The following CLIC4 variants were observed in gnomAD, a reference collection of about 807,000 sequenced individuals.
CLIC4 encodes the protein chloride intracellular channel protein 4.
CLIC4 carries 13 observed loss-of-function variants against 24.6 expected under a neutral mutation model. That is an observed-to-expected ratio of 0.53 (90% CI 0.34 to 0.84). CLIC4 has a LOEUF of 0.84. Among genes scored for constraint, CLIC4 ranks in the 40% least tolerant of loss-of-function variants. The pLI, the probability that CLIC4 is intolerant of heterozygous loss-of-function variation, is 0.01. For missense variants in CLIC4, 227 were observed against 301.7 expected, an observed-to-expected ratio of 0.75 and a Z score of 1.83; for synonymous variants, 104 against 111.3, an observed-to-expected ratio of 0.93 and a Z score of 0.41.
At chr1:24,784,327 G>C (rs1182569281) in intron 1 of CLIC4, among the ~76,000 whole-genome samples, 1 of 152,116 alleles carries the variant, frequency 6.6e-6, no homozygotes, top group African/African-American at 2.4e-5. Flanking sequence ...TTATAGAAAA[G>C]GAAAACAGGC....
In CLIC4 at chr1:24,746,207, C is replaced by A. The variant is rs114691053; in HGVS notation, c.72+582C>A. 4.2e-3 allele frequency among the ~76,000 whole-genome samples: 644 copies of A among 152,308 alleles called. 1 individual carries two copies. Among genetic ancestry groups the A allele is most frequent in the Non-Finnish European group, 7.2e-3 (489 of 68,022 alleles). On this transcript the variant is annotated intron_variant, in intron 1 of 5. Transcript: ENST00000374379. ...GTGCTCTTGGACCTTCGGAAAAGAC[C>A]GAGATTCCCAACTTGTGTTTTTCTG...
chr1:24,826,329 G>A (rs1051458901), intron 3 of CLIC4, among the ~76,000 whole-genome samples: 6 of 152,194 alleles, frequency 3.9e-5, no homozygotes, highest in Admixed American at 1.3e-4. Context: ...GGTTTCAAGC[G>A]ATTGATCCGC....
At chr1:24,805,127 A>G (rs1395820644) in intron 2 of CLIC4, among the ~76,000 whole-genome samples, 1 of 150,902 alleles carries the variant, frequency 6.6e-6, no homozygotes, top group Non-Finnish European at 1.5e-5. Context: ...AGACAAACGA[A>G]TTATGGAATC....
intron 1 of CLIC4, among the ~76,000 whole-genome samples, chr1:24,767,688 T>C (rs890547374): frequency 6.6e-6 from 1 of 152,148 alleles, no homozygotes; most frequent in African/African-American, 2.4e-5. Flanking sequence ...AGCTAAAGCT[T>C]GAGAGTCCAT....
chr1:24,745,547 G>C lies in CLIC4; in HGVS notation c.-7G>C, dbSNP rs549282878. The C allele has an allele frequency of 3.8e-6, 6 of 1,583,712 alleles. No homozygotes were observed. In the East Asian group the frequency reaches 1.4e-4, roughly 37 times the overall value. ...CTCGCCGTTCGCGGAGCGCAGCCGAGCCGGCCATGGCGTTGTCGATGCCGC... is the reference window on the plus strand; with the variant it reads ...CTCGCCGTTCGCGGAGCGCAGCCGACCCGGCCATGGCGTTGTCGATGCCGC... On this transcript the variant is annotated 5_prime_UTR_variant, in exon 1 of 6. Transcript: ENST00000374379.
intron 1 of CLIC4, among the ~76,000 whole-genome samples, chr1:24,788,956 A>G (rs1403725426): frequency 6.6e-6 from 1 of 152,140 alleles, no homozygotes; most frequent in Non-Finnish European, 1.5e-5. Context: ...CTCCATCCTC[A>G]CCATGCCAGC....
At chr1:24,839,745 T>G in intron 4 of CLIC4, 115 bp from the exon 5 acceptor site, 1 of 897,248 alleles carries the variant, frequency 1.1e-6, no homozygotes, top group Non-Finnish European at 1.7e-6. Context: ...CTACAGTACC[T>G]TGTTTCAGAG....
chr1:24,772,393 G>C (rs949071903), intron 1 of CLIC4, among the ~76,000 whole-genome samples: 1 of 152,104 alleles, frequency 6.6e-6, no homozygotes, highest in Admixed American at 6.6e-5. Context: ...GAAGTTTTAG[G>C]CCAGCAAAGA....
chr1:24,746,555 C>T (rs535835201), intron 1 of CLIC4, among the ~76,000 whole-genome samples: 46 of 152,144 alleles, frequency 3.0e-4, no homozygotes, highest in African/African-American at 1.0e-3. Flanking sequence ...TCCCTCAAAA[C>T]TTAAAAAAAA....
At chr1:24,745,750 A>T in intron 1 of CLIC4, 125 bp downstream of exon 1, 1 of 668,694 alleles carries the variant, frequency 1.5e-6, no homozygotes, top group East Asian at 3.6e-5. Flanking sequence ...CGCTGCGGGC[A>T]CCCGCGCCCC....
chr1:24,831,016 A>G (rs1340420525), intron 4 of CLIC4, among the ~76,000 whole-genome samples: 3 of 152,266 alleles, frequency 2.0e-5, no homozygotes, highest in Non-Finnish European at 2.9e-5. Context: ...TTTATTGGCC[A>G]TACCTTATGT....
rs181471089 is a variant in CLIC4 at position 24,765,472 on chromosome 1, A to G, written c.72+19847A>G. Among the ~76,000 whole-genome samples the G allele has an allele frequency of 2.9e-4, 44 of 152,336 alleles. No individual in the cohort carries two copies. The Middle Eastern group carries it at 0.014, about 47-fold the overall frequency. ...GAAATAGGTCGAGAGGGTGATGCAA[A>G]TGACTGGGCTCAGTTCATATTTTAG... On this transcript the variant is annotated intron_variant, in intron 1 of 5. Transcript: ENST00000374379.
In CLIC4 at chr1:24,765,428, T is replaced by C. The variant is rs537662918; in HGVS notation, c.72+19803T>C. On this transcript the variant is annotated intron_variant, in intron 1 of 5. Transcript: ENST00000374379. ...GATCACATGATTGGGAAAAAGCAAATGCCTAACAAGAAGCCAGAGAAATAG... is the reference window on the plus strand; with the variant it reads ...GATCACATGATTGGGAAAAAGCAAACGCCTAACAAGAAGCCAGAGAAATAG... Among the ~76,000 whole-genome samples, 5 of 152,226 alleles carry C rather than the reference T, an allele frequency of 3.3e-5. No homozygotes were observed. The East Asian group carries it at 9.7e-4, about 29-fold the overall frequency.
chr1:24,811,632 C>T, intron 2 of CLIC4, among the ~76,000 whole-genome samples: 1 of 152,046 alleles, frequency 6.6e-6, no homozygotes, highest in East Asian at 1.9e-4. Context: ...GCCACCACAC[C>T]CAGCTAATTA....
intron 1 of CLIC4, among the ~76,000 whole-genome samples, chr1:24,768,998 A>C (rs1342650169): frequency 6.6e-6 from 1 of 151,880 alleles, no homozygotes; most frequent in African/African-American, 2.4e-5. Context: ...AATTAAAAAT[A>C]GCGGGGCATG....
intron 2 of CLIC4, among the ~76,000 whole-genome samples, chr1:24,802,398 C>T (rs80243099): frequency 3.3e-5 from 5 of 151,984 alleles, no homozygotes; most frequent in African/African-American, 7.2e-5. Context: ...TAAAAAGTGG[C>T]GCATGGGAGG....
intron 1 of CLIC4, among the ~76,000 whole-genome samples, chr1:24,776,264 A>C (rs1396732071): frequency 6.6e-6 from 1 of 152,206 alleles, no homozygotes; most frequent in Non-Finnish European, 1.5e-5. Context: ...TAAAGTCAGC[A>C]GAACTGTGAA....
At chr1:24,773,489 G>A (rs1416152336) in intron 1 of CLIC4, among the ~76,000 whole-genome samples, 1 of 149,736 alleles carries the variant, frequency 6.7e-6, no homozygotes, top group Non-Finnish European at 1.5e-5. Context: ...GTTGTCTTTA[G>A]TTGATAAACA....
intron 1 of CLIC4, among the ~76,000 whole-genome samples, chr1:24,783,654 G>A (rs1029702645): frequency 3.3e-5 from 5 of 152,160 alleles, no homozygotes; most frequent in African/African-American, 1.2e-4. Context: ...AGTGAGTTGA[G>A]ATTGTGCCAC....
Sources: allele counts gnomAD v4.1 joint callset (sites outside exome capture counted in the v4.1 genomes callset), GRCh38; gene constraint gnomAD v4.1.1; transcripts MANE v1.5; gene names NCBI Gene and HGNC (gene_info 2026-07-23, HGNC 2026-07-21).